Variants in ADGRB3 observed in about 807,000 individuals in gnomAD.
ADGRB3 encodes brain-specific angiogenesis inhibitor 3.
A neutral mutation model predicts 193.4 loss-of-function variants in ADGRB3; 37 were observed. The ratio of observed to expected loss-of-function variants is 0.19; its 90% CI spans 0.15 to 0.25. The LOEUF (loss-of-function observed/expected upper bound fraction) is 0.25, where lower values mean the gene tolerates loss of function less well. Among genes scored for constraint, ADGRB3 ranks in the 10% least tolerant of loss-of-function variants. The pLI is 1.00. For synonymous variants in ADGRB3, 690 were observed against 644.2 expected (o/e 1.07, Z -1.08); for missense variants, 1,637 against 1,852.9 (o/e 0.88, Z 2.14).
intron 3 of ADGRB3, among the ~76,000 whole-genome samples, chr6:68,744,966 G>A (rs1562013332): frequency 6.6e-6 from 1 of 152,116 alleles, no homozygotes; most frequent in Non-Finnish European, 1.5e-5. Flanking sequence ...TTGTAACAAA[G>A]CAGGAATAGG....
At chr6:69,289,049 T>TG (rs1441609628) in intron 20 of ADGRB3, among the ~76,000 whole-genome samples, 1 of 152,180 alleles carries the variant, frequency 6.6e-6, no homozygotes, top group Non-Finnish European at 1.5e-5. Context: ...ATGAAATAAT[T>TG]GGAGAGAAGG....
At chr6:68,973,181 G>C (rs935374441) in intron 8 of ADGRB3, among the ~76,000 whole-genome samples, 1 of 152,108 alleles carries the variant, frequency 6.6e-6, no homozygotes, top group Non-Finnish European at 1.5e-5. Flanking sequence ...AAAAGAAAAG[G>C]AAGATGACTG....
At chr6:69,111,101 A>G (rs1773354123) in intron 17 of ADGRB3, among the ~76,000 whole-genome samples, 1 of 152,246 alleles carries the variant, frequency 6.6e-6, no homozygotes, top group African/African-American at 2.4e-5. Flanking sequence ...ATTATATCTC[A>G]CTGAATCACA....
chr6:68,906,637 G>A (rs998508120), intron 3 of ADGRB3, among the ~76,000 whole-genome samples: 1 of 151,798 alleles, frequency 6.6e-6, no homozygotes, highest in Admixed American at 6.6e-5. Flanking sequence ...TCTCTTAAAA[G>A]TATTGTTTAT....
At chr6:69,152,152 A>G (rs983258719) in intron 17 of ADGRB3, among the ~76,000 whole-genome samples, 18 of 152,218 alleles carry the variant, frequency 1.2e-4, no homozygotes, top group African/African-American at 4.3e-4. Flanking sequence ...ATATACAAGT[A>G]CATTTTATAT....
At chr6:69,162,998 G>T (rs1775038593) in intron 17 of ADGRB3, among the ~76,000 whole-genome samples, 1 of 152,190 alleles carries the variant, frequency 6.6e-6, no homozygotes, top group Non-Finnish European at 1.5e-5. Context: ...GCAGGAGGCA[G>T]CTTAGCCTTT....
At chr6:69,208,822 G>A (rs1011737901) in intron 17 of ADGRB3, among the ~76,000 whole-genome samples, 1 of 152,160 alleles carries the variant, frequency 6.6e-6, no homozygotes, top group African/African-American at 2.4e-5. Context: ...ATTTGATGAT[G>A]GAATGGTGCT....
intron 13 of ADGRB3, among the ~76,000 whole-genome samples, chr6:69,027,508 G>T (rs547442415): frequency 1.3e-5 from 2 of 152,140 alleles, no homozygotes; most frequent in Non-Finnish European, 2.9e-5. Context: ...CTAAGCAATA[G>T]AAATTTTTCA....
intron 30 of ADGRB3, among the ~76,000 whole-genome samples, chr6:69,378,329 A>G (rs1242059730): frequency 6.6e-6 from 1 of 152,036 alleles, no homozygotes; most frequent in Admixed American, 6.6e-5. Context: ...TGAATAGTCT[A>G]AAGAAGAGTG....
chr6:68,870,609 G>A (rs1765429033), intron 3 of ADGRB3, among the ~76,000 whole-genome samples: 3 of 152,090 alleles, frequency 2.0e-5, no homozygotes, highest in Admixed American at 2.0e-4. Context: ...TTGATCCCCC[G>A]AGTTATCCGA....
intron 3 of ADGRB3, among the ~76,000 whole-genome samples, chr6:68,838,709 T>C (rs2127386486): frequency 6.6e-6 from 1 of 152,336 alleles, no homozygotes; most frequent in Non-Finnish European, 1.5e-5. Context: ...ACTTAGTTTA[T>C]ACAAATTGCT....
At chr6:68,730,038 G>T (rs1351123593) in intron 3 of ADGRB3, among the ~76,000 whole-genome samples, 2 of 151,142 alleles carry the variant, frequency 1.3e-5, no homozygotes, top group Admixed American at 6.6e-5. Flanking sequence ...CTGCTTACTT[G>T]CTGGTCTCCA....
chr6:69,084,738 C>T (rs544674764), intron 17 of ADGRB3, among the ~76,000 whole-genome samples: 1 of 151,952 alleles, frequency 6.6e-6, no homozygotes, highest in African/African-American at 2.4e-5. Flanking sequence ...AAAATAATTG[C>T]AATATATCTC....
intron 3 of ADGRB3, among the ~76,000 whole-genome samples, chr6:68,816,911 A>G (rs943034983): frequency 6.6e-6 from 1 of 152,048 alleles, no homozygotes; most frequent in African/African-American, 2.4e-5. Context: ...TAAATCTACT[A>G]GGTGCTATTC....
At chr6:69,146,869 A>G (rs929243022) in intron 17 of ADGRB3, among the ~76,000 whole-genome samples, 1 of 84,844 alleles carries the variant, frequency 1.2e-5, no homozygotes, top group African/African-American at 4.9e-5. Flanking sequence ...GGACCTCTTC[A>G]TGGTTTAATA....
chr6:68,814,539 G>T (rs184761962), intron 3 of ADGRB3, among the ~76,000 whole-genome samples: 152 of 152,250 alleles, frequency 1.0e-3, no homozygotes, highest in Admixed American at 2.7e-3. Context: ...CTGTGCAGAA[G>T]CTCTTCAGTT....
intron 17 of ADGRB3, among the ~76,000 whole-genome samples, chr6:69,151,934 T>C (rs1431825440): frequency 6.6e-6 from 1 of 152,196 alleles, no homozygotes; most frequent in African/African-American, 2.4e-5. Context: ...CGAGATCTGA[T>C]GGTTTTATAA....
intron 3 of ADGRB3, among the ~76,000 whole-genome samples, chr6:68,919,108 C>A (rs1665680526): frequency 6.6e-6 from 1 of 152,038 alleles, no homozygotes; most frequent in South Asian, 2.1e-4. Flanking sequence ...CTGGAAGCCT[C>A]AGTAAACTTT....
At chr6:68,729,830 A>G (rs1765738688) in intron 3 of ADGRB3, among the ~76,000 whole-genome samples, 1 of 151,468 alleles carries the variant, frequency 6.6e-6, no homozygotes, top group African/African-American at 2.4e-5. Context: ...TTTTTCCTAT[A>G]TTCTTACACT....
Sources: gnomAD v4.1 joint callset for allele counts (sites outside exome capture counted in the v4.1 genomes callset) on GRCh38, gnomAD v4.1.1 for gene constraint, MANE v1.5 for transcripts, NCBI Gene and HGNC (gene_info 2026-07-23, HGNC 2026-07-21) for gene names.